Variants in SENP5 observed in about 807,000 individuals in gnomAD.
SENP5 encodes the protein SUMO specific peptidase 5.
In SENP5, 21 loss-of-function variants were observed where a neutral mutation model predicts 74.2. That is an observed-to-expected ratio of 0.28 (90% CI 0.20 to 0.41). The LOEUF is 0.41. SENP5 is among the 10% of genes least tolerant of loss of function. The pLI is 1.00. For missense variants in SENP5, 717 were observed against 889.1 expected (o/e 0.81, Z 2.46); for synonymous variants, 311 against 312.7 (o/e 0.99, Z 0.06).
chr3:196,870,378 A>G lies in SENP5; in HGVS notation c.-32+2305A>G, dbSNP rs547855324. Among the ~76,000 whole-genome samples, 16 of 152,276 alleles carry G rather than the reference A, an allele frequency of 1.1e-4. 1 individual carries two copies. In the South Asian group the frequency reaches 3.1e-3, roughly 30 times the overall value. On this transcript the variant is annotated intron_variant, in intron 1 of 9. Transcript: ENST00000323460. ...TTTAGGGAAATATATTCATTCTCCA[A>G]TTATTCTTTGGTAGCCTTCTTATTG...
At chr3:196,892,809 TA>T (rs1714270375) in intron 2 of SENP5, among the ~76,000 whole-genome samples, 1 of 152,202 alleles carries the variant, frequency 6.6e-6, no homozygotes, top group African/African-American at 2.4e-5. Context: ...TCATGCAGTA[TA>T]TTTTTTTGTG....
intron 1 of SENP5, among the ~76,000 whole-genome samples, chr3:196,876,772 C>T (rs985238048): frequency 9.3e-5 from 14 of 150,476 alleles, no homozygotes; most frequent in Non-Finnish European, 1.6e-4. Flanking sequence ...GTCCCAGCTA[C>T]TCAGGAGGCT....
intron 2 of SENP5, among the ~76,000 whole-genome samples, chr3:196,897,801 G>A (rs1714507343): frequency 6.6e-6 from 1 of 152,182 alleles, no homozygotes; most frequent in Non-Finnish European, 1.5e-5. Context: ...TTCAGCATTG[G>A]TGAACAACCT....
chr3:196,900,343 G>A (rs1485693007), intron 4 of SENP5, 22 bp from the exon 5 acceptor site: 3 of 1,593,930 alleles, frequency 1.9e-6, no homozygotes, highest in Non-Finnish European at 2.6e-6. Context: ...TAGTAAGCTG[G>A]TTTTATGTTG....
intron 6 of SENP5, among the ~76,000 whole-genome samples, chr3:196,918,947 G>T (rs1382348675): frequency 6.8e-6 from 1 of 147,120 alleles, no homozygotes; most frequent in Non-Finnish European, 1.5e-5. Flanking sequence ...ATGATAAAAA[G>T]GTCAGACAAT....
rs369618833 is a variant in SENP5, at chr3:196,886,611, A to G, written c.1430A>G (p.Lys477Arg). ...LEAPLVCSGL[K>R]LENQVGGGKN... ...GCTCCCTTGGTGTGCAGTGGACTCA[A>G]ACTAGAAAATCAAGTAGGAGGTGGA... The change falls in exon 2 of 10, where the codon AAA (lysine) becomes AGA (arginine). Residue 477 changes from lysine to arginine, a missense_variant. This residue lies in a region of SENP5 where 567 missense variants were observed against 577.4 expected (regional missense o/e 0.98). Transcript: ENST00000323460. 21 of 1,611,436 alleles carry G rather than the reference A, an allele frequency of 1.3e-5. No homozygotes were observed. The highest frequency in any genetic ancestry group is 1.8e-5 in the Non-Finnish European group (21 of 1,179,240).
rs1308998220 is a variant in SENP5 at position 196,931,573 on chromosome 3, G to A, written c.*650G>A. 3.9e-6 allele frequency: 1 copy of A among 256,662 alleles called. No homozygotes were observed. The highest frequency in any genetic ancestry group is 7.6e-6 in the Non-Finnish European group (1 of 131,570). The allele number at this position is 256,662 out of a possible 1,614,324, so 15.9% of individuals were successfully genotyped here. A position where few individuals can be genotyped will look rare whatever the true frequency, so the allele number is the denominator to read the frequency against. The stretch of plus-strand genomic sequence containing the variant: ...GTGGCTGCTTTGGGAGGAGTAAGGT[G>A]TGAGAAAAAGCAACCTTGGAGGCCA... On this transcript the variant is annotated 3_prime_UTR_variant, in exon 10 of 10. Transcript: ENST00000323460.
At chr3:196,918,357 G>C (rs1329678524) in intron 6 of SENP5, among the ~76,000 whole-genome samples, 4 of 148,264 alleles carry the variant, frequency 2.7e-5, no homozygotes, top group Non-Finnish European at 6.0e-5. Context: ...GATGGAGTTT[G>C]GAGTTAAACT....
chr3:196,897,871 T>G (rs1714510299), intron 2 of SENP5, among the ~76,000 whole-genome samples: 1 of 152,114 alleles, frequency 6.6e-6, no homozygotes, highest in African/African-American at 2.4e-5. Context: ...TGTATTTACT[T>G]AGAAATAATG....
At chr3:196,903,151 AT>A (rs959202943) in intron 5 of SENP5, among the ~76,000 whole-genome samples, 1 of 151,872 alleles carries the variant, frequency 6.6e-6, no homozygotes, top group African/African-American at 2.4e-5. Context: ...CATTATTATT[AT>A]TTTTTGAGAC....
intron 6 of SENP5, among the ~76,000 whole-genome samples, chr3:196,915,419 A>G (rs1425834783): frequency 6.6e-6 from 1 of 152,198 alleles, no homozygotes; most frequent in Non-Finnish European, 1.5e-5. Flanking sequence ...GAAGCCTCCA[A>G]TTCTAGGCCC....
In SENP5 at chr3:196,930,898, T is replaced by A; in HGVS notation, c.2243T>A (p.Leu748Gln). ...GTGCGGAAGAGGATTTACAAGGAGC[T>A]ATGTGAGTGCCGGCTCATGGACTGA... ...PRVRKRIYKE[L>Q]CECRLMD Residue 748 changes from leucine to glutamine, a missense_variant, in exon 10 of 10, where the codon CTA becomes CAA. Transcript: ENST00000323460. 6.2e-7 allele frequency: 1 copy of A among 1,613,538 alleles called. No homozygotes were observed. Among genetic ancestry groups the A allele is most frequent in the Non-Finnish European group, 8.5e-7 (1 of 1,179,492 alleles).
chr3:196,928,453 G>A (rs1437383988), intron 8 of SENP5, among the ~76,000 whole-genome samples: 1 of 152,212 alleles, frequency 6.6e-6, no homozygotes, highest in Non-Finnish European at 1.5e-5. Flanking sequence ...CAGTGTTTTT[G>A]TGTATTGGAT....
intron 2 of SENP5, among the ~76,000 whole-genome samples, chr3:196,894,593 T>C (rs530461041): frequency 6.6e-6 from 1 of 152,176 alleles, no homozygotes; most frequent in South Asian, 2.1e-4. Flanking sequence ...TAGTTGGTAG[T>C]TCTAATACTG....
intron 6 of SENP5, among the ~76,000 whole-genome samples, chr3:196,906,367 A>C (rs2108843147): frequency 6.6e-6 from 1 of 152,354 alleles, no homozygotes; most frequent in East Asian, 1.9e-4. Context: ...GTAAAACAAT[A>C]TTAGAGACAG....
At chr3:196,910,695 G>A (rs1715088652) in intron 6 of SENP5, among the ~76,000 whole-genome samples, 1 of 151,814 alleles carries the variant, frequency 6.6e-6, no homozygotes, top group South Asian at 2.1e-4. Context: ...ACTACCATTG[G>A]CATTCTTCAC....
intron 1 of SENP5, among the ~76,000 whole-genome samples, chr3:196,874,264 T>C (rs1167481340): frequency 5.6e-5 from 6 of 107,134 alleles, no homozygotes; most frequent in African/African-American, 1.1e-4. Flanking sequence ...AAGTGCTTCA[T>C]CAGAATTTAA....
chr3:196,880,667 G>A (rs1330068590), intron 1 of SENP5, among the ~76,000 whole-genome samples: 1 of 129,212 alleles, frequency 7.7e-6, no homozygotes, highest in Admixed American at 8.1e-5. Context: ...TTGAGACGGA[G>A]TTTTGCTTTT....
chr3:196,891,177 A>G (rs1714184235), intron 2 of SENP5, among the ~76,000 whole-genome samples: 1 of 152,236 alleles, frequency 6.6e-6, no homozygotes, highest in African/African-American at 2.4e-5. Context: ...ATGCTAAGTG[A>G]AAAGCCAGAC....
Sources: allele counts gnomAD v4.1 joint callset (sites outside exome capture counted in the v4.1 genomes callset), GRCh38; gene constraint gnomAD v4.1.1; regional missense constraint gnomAD v4.1.1; transcripts MANE v1.5; gene names NCBI Gene and HGNC (gene_info 2026-07-23, HGNC 2026-07-21).